The following URB1 variants were observed in gnomAD, a reference collection of about 807,000 sequenced individuals.
The protein encoded by URB1 is URB1 ribosome biogenesis factor.
URB1 carries 197 observed loss-of-function variants against 242.3 expected under a neutral mutation model. The ratio of observed to expected loss-of-function variants is 0.81; its 90% CI spans 0.72 to 0.91. The LOEUF is 0.91. URB1 is among the 40% of genes least tolerant of loss of function. URB1 has a pLI of 0.00. For missense variants in URB1, 2,721 were observed against 2,860.5 expected (o/e 0.95, Z 1.11); for synonymous variants, 1,153 against 1,201.8 (o/e 0.96, Z 0.84).
chr21:32,344,248 G>C (rs935284230), intron 24 of URB1, among the ~76,000 whole-genome samples: 1 of 152,122 alleles, frequency 6.6e-6, no homozygotes, highest in Non-Finnish European at 1.5e-5. Flanking sequence ...TGCAAGGTTG[G>C]TTTAACATTC....
Position 32,384,344 on chromosome 21 carries a change from T to C in URB1, c.403A>G (p.Ile135Val). 2 of 1,551,744 alleles carry C rather than the reference T, an allele frequency of 1.3e-6. No individual in the cohort carries two copies. The highest frequency in any genetic ancestry group is 1.7e-6 in the Non-Finnish European group (2 of 1,146,556). ...KKLMNNHMKL[I>V]CESLYASGYR... is the part of the protein sequence containing the mutation. ...CCTGAGGCATACAGGGACTCACAGA[T>C]GAGCTTCATGTGGTTGTTCATCAGC... The change falls in exon 3 of 39, where the codon ATC becomes GTC. Residue 135 changes from isoleucine (I) to valine (V), a missense_variant. Physicochemically the swap from Ile to Val is conservative, Grantham distance 29 (BLOSUM62 3). Coordinates refer to ENST00000382751, the MANE Select transcript of URB1 (RefSeq NM_014825.3).
chr21:32,375,596 G>T, intron 5 of URB1, 113 bp from the exon 6 acceptor site: 6 of 459,716 alleles, frequency 1.3e-5, no homozygotes, highest in East Asian at 4.3e-5. Flanking sequence ...ACTTTTTCAA[G>T]TTTTTTTTTT....
chr21:32,335,956 G>A (rs2123563967), intron 28 of URB1, among the ~76,000 whole-genome samples: 1 of 152,302 alleles, frequency 6.6e-6, no homozygotes, highest in Non-Finnish European at 1.5e-5. Flanking sequence ...AGCCTCGCTT[G>A]GCGTTCTCTG....
At chr21:32,341,385 A>G in intron 25 of URB1, 81 bp downstream of exon 25, 3 of 1,377,422 alleles carry the variant, frequency 2.2e-6, no homozygotes, top group South Asian at 2.5e-5. Context: ...TATGCTAATA[A>G]CAAGCTATAA....
Position 32,361,934 on chromosome 21 carries a change from T to C in URB1, c.1597A>G (p.Arg533Gly). ...CAGGCAGCCGGGGGCCCATCGCTCC[T>C]TTTCTGCCCTTTCTTGTCATCCTGT... ...TKQDDKKGQKRSDGPPAACDA... is the reference protein window; with the variant it reads ...TKQDDKKGQKGSDGPPAACDA... The change falls in exon 12 of 39, where the codon AGG (arginine) becomes GGG (glycine). Residue 533 changes from arginine (R) to glycine (G), a missense_variant. Coordinates refer to ENST00000382751, the MANE Select transcript of URB1 (RefSeq NM_014825.3). The C allele has an allele frequency of 6.4e-7, 1 of 1,551,560 alleles. No homozygotes were observed. The highest frequency in any genetic ancestry group is 8.7e-7 in the Non-Finnish European group (1 of 1,146,860).
intron 14 of URB1, among the ~76,000 whole-genome samples, chr21:32,358,698 T>C (rs1218247103): frequency 6.6e-6 from 1 of 152,054 alleles, no homozygotes; most frequent in Non-Finnish European, 1.5e-5. Context: ...CCAACTAAAT[T>C]ATCAAGATCC....
At position 32,384,402 on chromosome 21, in the gene URB1, A is replaced by T. The variant is rs763925474; in HGVS notation, c.345T>A (p.His115Gln). ...ILLRTASDLS[H>Q]FHVVGTNIVK... Reference sequence around the variant, plus strand: ...CAATGTTGGTTCCCACAACATGGAAATGTGAAAGATCACTTGCTGTCCGCA... The same window carrying T: ...CAATGTTGGTTCCCACAACATGGAATTGTGAAAGATCACTTGCTGTCCGCA... The change falls in exon 3 of 39, where the codon CAT becomes CAA. Residue 115 changes from histidine (H) to glutamine (Q), a missense_variant. Coordinates refer to ENST00000382751, the MANE Select transcript of URB1 (RefSeq NM_014825.3). 1.0e-5 allele frequency: 16 copies of T among 1,552,214 alleles called. No homozygotes were observed. In the East Asian group the frequency reaches 3.9e-4, roughly 38 times the overall value.
intron 30 of URB1, among the ~76,000 whole-genome samples, chr21:32,331,756 C>A (rs990992608): frequency 6.6e-6 from 1 of 152,272 alleles, no homozygotes; most frequent in Non-Finnish European, 1.5e-5. Flanking sequence ...GCCCCACTCC[C>A]AGCCACACCA....
intron 35 of URB1, among the ~76,000 whole-genome samples, chr21:32,320,075 C>T (rs1012964204): frequency 6.6e-6 from 1 of 152,216 alleles, no homozygotes; most frequent in Non-Finnish European, 1.5e-5. Flanking sequence ...AATGCGGGCT[C>T]ATCACTGAGG....
intron 30 of URB1, among the ~76,000 whole-genome samples, chr21:32,330,914 G>T (rs1568811871): frequency 6.6e-6 from 1 of 152,204 alleles, no homozygotes; most frequent in Non-Finnish European, 1.5e-5. Flanking sequence ...CAACACAAAG[G>T]CCTATTGATG....
chr21:32,386,763 C>T (rs747194514), intron 1 of URB1, among the ~76,000 whole-genome samples: 1 of 152,206 alleles, frequency 6.6e-6, no homozygotes, highest in Non-Finnish European at 1.5e-5. Flanking sequence ...CTGCAACCCT[C>T]CACCCTAGGT....
At position 32,337,153 on chromosome 21, in the gene URB1, C is replaced by T; in HGVS notation, c.4626G>A (p.Gln1542=). Residue 1542 remains glutamine, a synonymous_variant, in exon 28 of 39, where the codon CAG becomes CAA. Transcript: ENST00000382751. Reference sequence around the variant, plus strand: ...ACGCTCGAAGCAGAAGTAAAATCTTCTGATCTACAAGTCAAAGCAGGATCG... The same window carrying T: ...ACGCTCGAAGCAGAAGTAAAATCTTTTGATCTACAAGTCAAAGCAGGATCG... ...AYGATLSVLD[Q]KILLLLRAYE... is the part of the protein sequence containing the mutation. 3 of 1,551,840 alleles carry T rather than the reference C, an allele frequency of 1.9e-6. No individual in the cohort carries two copies. Among genetic ancestry groups the T allele is most frequent in the Middle Eastern group, 1.7e-4 (1 of 5,986 alleles).
rs758104542 is a variant in URB1 at position 32,317,762 on chromosome 21, T to G, written c.5948A>C (p.His1983Pro). The G allele has an allele frequency of 6.4e-7, 1 of 1,551,876 alleles. No homozygotes were observed. The highest frequency in any genetic ancestry group is 1.2e-5 in the South Asian group (1 of 84,058). ...GTCTCTTTCAATGAGGCTCCACTTG[T>G]GCAAGAGGACAAGGACGTCCTTGGT... ...LSTKDVLVLLHKWSLIERDLK... is the reference protein window; with the variant it reads ...LSTKDVLVLLPKWSLIERDLK... Residue 1983 changes from histidine (H) to proline (P), a missense_variant, in exon 37 of 39, where the codon CAC (histidine) becomes CCC (proline). Transcript: ENST00000382751.
At chr21:32,345,271 G>C in intron 23 of URB1, 103 bp downstream of exon 23, 1 of 1,272,260 alleles carries the variant, frequency 7.9e-7, no homozygotes, top group East Asian at 2.6e-5. Context: ...TCACAGATGG[G>C]GCACAACAGT....
At chr21:32,325,417 C>T (rs1002722149) in intron 30 of URB1, 28 bp from the exon 31 acceptor site, 3 of 1,538,204 alleles carry the variant, frequency 2.0e-6, no homozygotes, top group Middle Eastern at 1.7e-4. Context: ...CAGCATGAAA[C>T]ACACACAATA....
chr21:32,390,680 C>A (rs2033627943), intron 1 of URB1, among the ~76,000 whole-genome samples: 1 of 152,262 alleles, frequency 6.6e-6, no homozygotes, highest in East Asian at 1.9e-4. Flanking sequence ...CCATCTCACA[C>A]CAATTAGAAT....
chr21:32,374,252 A>T (rs2033435738), intron 6 of URB1, among the ~76,000 whole-genome samples: 1 of 152,222 alleles, frequency 6.6e-6, no homozygotes, highest in African/African-American at 2.4e-5. Context: ...ATCCTTGAAC[A>T]TAGTCTTCAT....
intron 1 of URB1, among the ~76,000 whole-genome samples, chr21:32,387,600 C>CA (rs764839350): frequency 0.89 from 110,527 of 124,758 alleles, 49,068 homozygotes; most frequent in Non-Finnish European, 0.93. Context: ...TCACCTTATT[C>CA]AAAAAAAAAA....
chr21:32,348,953 G>C (rs968894079), intron 21 of URB1, among the ~76,000 whole-genome samples: 1 of 152,236 alleles, frequency 6.6e-6, no homozygotes, highest in Non-Finnish European at 1.5e-5. Context: ...CTGCTTCTCA[G>C]AGCAGTCTAT....
Sources: allele counts gnomAD v4.1 joint callset (sites outside exome capture counted in the v4.1 genomes callset), GRCh38; gene constraint gnomAD v4.1.1; transcripts MANE v1.5; gene names NCBI Gene and HGNC (gene_info 2026-07-23, HGNC 2026-07-21).